Variants in NLGN1 observed in about 807,000 individuals in gnomAD.
NLGN1 encodes the protein neuroligin 1.
A neutral mutation model predicts 65.5 loss-of-function variants in NLGN1; 12 were observed. The observed-to-expected ratio is 0.18, with a 90% CI of 0.12 to 0.30. NLGN1 has a LOEUF of 0.30. Ranked by LOEUF, NLGN1 falls within the 10% of genes least tolerant of loss-of-function variation. NLGN1 has a pLI of 1.00. For synonymous variants in NLGN1, 350 were observed against 359.5 expected (o/e 0.97, Z 0.30); for missense variants, 750 against 1,007.1 (o/e 0.74, Z 3.46).
At chr3:173,918,179 A>G (rs904490142) in intron 4 of NLGN1, among the ~76,000 whole-genome samples, 2 of 152,104 alleles carry the variant, frequency 1.3e-5, no homozygotes, top group Non-Finnish European at 2.9e-5. Flanking sequence ...CAAAGCTTGA[A>G]CTTTGTAGTT....
intron 3 of NLGN1, among the ~76,000 whole-genome samples, chr3:173,719,644 G>GTATA (rs1770495365): frequency 6.6e-6 from 1 of 152,166 alleles, no homozygotes; most frequent in South Asian, 2.1e-4. Context: ...AAAAAACCTC[G>GTATA]TATAGTTGAT....
At chr3:173,971,631 T>A (rs917955053) in intron 4 of NLGN1, among the ~76,000 whole-genome samples, 1 of 152,058 alleles carries the variant, frequency 6.6e-6, no homozygotes, top group Non-Finnish European at 1.5e-5. Flanking sequence ...AATGCTAAAG[T>A]AAGGCATCAA....
At chr3:174,215,628 C>T (rs181827218) in intron 4 of NLGN1, among the ~76,000 whole-genome samples, 262 of 152,196 alleles carry the variant, frequency 1.7e-3, no homozygotes, top group Non-Finnish European at 2.9e-3. Flanking sequence ...TGCCTTGTAA[C>T]TGTGATAGAT....
At chr3:173,587,304 G>C (rs1443829971) in intron 2 of NLGN1, among the ~76,000 whole-genome samples, 1 of 151,674 alleles carries the variant, frequency 6.6e-6, no homozygotes, top group Non-Finnish European at 1.5e-5. Context: ...AATCTACTTG[G>C]AGGGGCTGTA....
intron 4 of NLGN1, among the ~76,000 whole-genome samples, chr3:173,827,750 G>A (rs1053658955): frequency 2.3e-4 from 35 of 151,710 alleles, no homozygotes; most frequent in Non-Finnish European, 4.6e-4. Context: ...TCTGCAAGCT[G>A]GAGAACCAGA....
chr3:174,119,552 C>G (rs765810733), intron 4 of NLGN1, among the ~76,000 whole-genome samples: 34 of 152,242 alleles, frequency 2.2e-4, no homozygotes, highest in Non-Finnish European at 4.9e-4. Flanking sequence ...ATTCTATGGA[C>G]TTACATTGGG....
chr3:173,674,533 A>G (rs946836229), intron 3 of NLGN1, among the ~76,000 whole-genome samples: 6 of 152,180 alleles, frequency 3.9e-5, no homozygotes, highest in African/African-American at 1.4e-4. Flanking sequence ...GGAAAAAAGA[A>G]TTGTAATGTT....
chr3:173,443,758 G>A (rs1291974634), intron 2 of NLGN1, among the ~76,000 whole-genome samples: 1 of 152,180 alleles, frequency 6.6e-6, no homozygotes, highest in African/African-American at 2.4e-5. Flanking sequence ...AAAGACTATA[G>A]TGCTAGTTAA....
chr3:173,426,358 C>G (rs763822149), intron 1 of NLGN1, among the ~76,000 whole-genome samples: 10 of 151,874 alleles, frequency 6.6e-5, no homozygotes, highest in Non-Finnish European at 1.2e-4. Flanking sequence ...GCTAAGACTT[C>G]TGCTATGATG....
At chr3:173,672,691 T>G (rs1762604743) in intron 3 of NLGN1, among the ~76,000 whole-genome samples, 3 of 152,222 alleles carry the variant, frequency 2.0e-5, no homozygotes, top group African/African-American at 7.2e-5. Flanking sequence ...GTAAGACGCT[T>G]CTTCATTGTT....
chr3:173,965,608 C>T (rs544812216), intron 4 of NLGN1, among the ~76,000 whole-genome samples: 1 of 151,866 alleles, frequency 6.6e-6, no homozygotes, highest in African/African-American at 2.4e-5. Flanking sequence ...GTGAGCCACC[C>T]AACGCGCTGG....
At chr3:173,647,648 C>A (rs368392135) in intron 3 of NLGN1, among the ~76,000 whole-genome samples, 7 of 151,944 alleles carry the variant, frequency 4.6e-5, no homozygotes, top group Admixed American at 4.6e-4. Flanking sequence ...TACAATATAT[C>A]ATAATTTAGG....
intron 4 of NLGN1, among the ~76,000 whole-genome samples, chr3:174,172,043 T>G (rs1279443299): frequency 1.3e-5 from 2 of 152,112 alleles, no homozygotes; most frequent in Non-Finnish European, 2.9e-5. Context: ...TGCCAAGAGT[T>G]TTGTTCAAGG....
At chr3:173,881,411 C>T (rs1331191167) in intron 4 of NLGN1, among the ~76,000 whole-genome samples, 1 of 139,660 alleles carries the variant, frequency 7.2e-6, no homozygotes, top group South Asian at 2.3e-4. Context: ...TCCACTTCTG[C>T]TCCACTCCTT....
chr3:173,873,549 A>G (rs541378811), intron 4 of NLGN1, among the ~76,000 whole-genome samples: 10 of 152,386 alleles, frequency 6.6e-5, no homozygotes, highest in Non-Finnish European at 1.5e-4. Context: ...GGTTATTAAC[A>G]TAAAACAAGA....
chr3:174,163,707 T>G (rs1726990215), intron 4 of NLGN1, among the ~76,000 whole-genome samples: 1 of 152,054 alleles, frequency 6.6e-6, no homozygotes, highest in Non-Finnish European at 1.5e-5. Flanking sequence ...TTCTGTCTTA[T>G]TTCATTTAGA....
rs1433231395 is a variant in NLGN1 at position 173,439,802 on chromosome 3, T to C, written c.-321+4724T>C. Among the ~76,000 whole-genome samples the C allele has an allele frequency of 2.0e-5, 3 of 152,166 alleles. No homozygotes were observed. The East Asian group carries it at 5.8e-4, about 29-fold the overall frequency. Reference sequence around the variant, plus strand: ...TGAGCCTTCAGTGAGTCTTAATCTTTTTATTGCTGGAGGGTCTTGCCTTGA... The same window carrying C: ...TGAGCCTTCAGTGAGTCTTAATCTTCTTATTGCTGGAGGGTCTTGCCTTGA... On this transcript the variant is annotated intron_variant, in intron 2 of 6. Coordinates refer to ENST00000457714, the Ensembl canonical transcript of NLGN1.
intron 2 of NLGN1, among the ~76,000 whole-genome samples, chr3:173,599,854 C>T (rs1241681343): frequency 6.6e-6 from 1 of 152,068 alleles, no homozygotes; most frequent in Non-Finnish European, 1.5e-5. Context: ...AGCAAAGCAG[C>T]AAAACTTTGT....
intron 2 of NLGN1, among the ~76,000 whole-genome samples, chr3:173,597,630 A>G (rs1025129962): frequency 6.6e-6 from 1 of 152,120 alleles, no homozygotes; most frequent in Admixed American, 6.6e-5. Context: ...ATGCATATAT[A>G]CATATATGTT....
Sources: gnomAD v4.1 joint callset for allele counts (sites outside exome capture counted in the v4.1 genomes callset) on GRCh38, gnomAD v4.1.1 for gene constraint, MANE v1.5 for transcripts, NCBI Gene and HGNC (gene_info 2026-07-23, HGNC 2026-07-21) for gene names.